The following NUP155 variants were observed in gnomAD, a reference collection of about 807,000 sequenced individuals.
NUP155 encodes the protein nuclear pore complex protein Nup155.
A neutral mutation model predicts 180.4 loss-of-function variants in NUP155; 71 were observed. That is an observed-to-expected ratio of 0.39 (90% CI 0.33 to 0.48). The LOEUF (loss-of-function observed/expected upper bound fraction) is 0.48. Among genes scored for constraint, NUP155 ranks in the 20% least tolerant of loss-of-function variants. The pLI, the probability that NUP155 is intolerant of heterozygous loss-of-function variation, is 0.91. For synonymous variants in NUP155, 582 were observed against 559.5 expected (o/e 1.04, Z -0.57); for missense variants, 1,553 against 1,648.9 (o/e 0.94, Z 1.01).
rs568949468 is a variant in NUP155, at chr5:37,314,895, G to C, written c.2306-567C>G. ...GAAACCTAGGGTCCTCAGTAGGGAA[G>C]AAAGTAACTTGGGACAAAAGTAAAT... On this transcript the variant is annotated intron_variant, in intron 21 of 34. Coordinates refer to ENST00000231498, the MANE Select transcript of NUP155 (RefSeq NM_153485.3). Among the ~76,000 whole-genome samples, 6 of 152,156 alleles carry C rather than the reference G, an allele frequency of 3.9e-5. No homozygotes were observed. The South Asian group carries it at 1.2e-3, about 32-fold the overall frequency.
Position 37,349,253 on chromosome 5 carries a change from T to C in NUP155, c.830-8A>G. 1.3e-6 allele frequency: 1 copy of C among 750,700 alleles called. No homozygotes were observed. Among genetic ancestry groups the C allele is most frequent in the Non-Finnish European group, 2.1e-6 (1 of 485,440 alleles). The allele number at this position is 750,700 out of a possible 1,614,324, so 46.5% of individuals were successfully genotyped here. A position where few individuals can be genotyped will look rare whatever the true frequency, so the allele number is the denominator to read the frequency against. On this transcript the variant is annotated splice_polypyrimidine_tract_variant and splice_region_variant and intron_variant, in intron 7 of 34. Coordinates refer to ENST00000231498, the MANE Select transcript of NUP155 (RefSeq NM_153485.3). ...CAATTTGAAGAATAGGATCTAAAAG[T>C]AAGACAAAAAAAAAAAAGAGAAAAA...
intron 6 of NUP155, 60 bp from the exon 7 acceptor site, chr5:37,350,325 C>G: frequency 9.7e-7 from 1 of 1,033,570 alleles, no homozygotes; most frequent in South Asian, 1.3e-5. Context: ...ACAATAACTA[C>G]TGTATATCCA....
intron 3 of NUP155, among the ~76,000 whole-genome samples, chr5:37,360,153 T>A (rs1188099937): frequency 6.7e-6 from 1 of 149,972 alleles, no homozygotes; most frequent in Non-Finnish European, 1.5e-5. Flanking sequence ...CAAAAAAAAA[T>A]AGGTAAAGAA....
chr5:37,304,803 T>C lies in NUP155; in HGVS notation c.3098A>G (p.Glu1033Gly), dbSNP rs773086317. The C allele has an allele frequency of 8.1e-6, 13 of 1,614,000 alleles. No individual in the cohort carries two copies. Among genetic ancestry groups the C allele is most frequent in the South Asian group, 3.3e-5 (3 of 91,070 alleles). Residue 1033 changes from glutamate (E) to glycine (G), a missense_variant, in exon 27 of 35, where the codon GAG becomes GGG. Transcript: ENST00000231498. ...ATTATAAAGGGCAATACTAAAGAGCTCATCCTTGGATCGCTGTGACAATTT... is the reference window on the plus strand; with the variant it reads ...ATTATAAAGGGCAATACTAAAGAGCCCATCCTTGGATCGCTGTGACAATTT... ...MLKLSQRSKD[E>G]LFSIALYNWL...
chr5:37,366,226 T>G (rs1392472051), intron 1 of NUP155, among the ~76,000 whole-genome samples: 2 of 152,198 alleles, frequency 1.3e-5, no homozygotes, highest in African/African-American at 4.8e-5. Flanking sequence ...ACTGATGACC[T>G]ACTTATCTCA....
At chr5:37,365,073 C>T (rs1182593995) in intron 1 of NUP155, among the ~76,000 whole-genome samples, 2 of 151,448 alleles carry the variant, frequency 1.3e-5, no homozygotes, top group African/African-American at 4.8e-5. Context: ...ACTAGCCTGG[C>T]CAACATGGTG....
intron 3 of NUP155, among the ~76,000 whole-genome samples, chr5:37,360,280 G>A (rs774636447): frequency 2.6e-5 from 4 of 151,468 alleles, no homozygotes; most frequent in South Asian, 4.2e-4. Context: ...TCAGGAGATC[G>A]AGACCGTCCT....
chr5:37,370,737 G>A lies in NUP155; in HGVS notation c.157+84C>T, dbSNP rs1217056879. On this transcript the variant is annotated intron_variant, in intron 1 of 34. Coordinates refer to ENST00000231498, the MANE Select transcript of NUP155 (RefSeq NM_153485.3). ...CCATAAATCTCAGCATATCCTCGCC[G>A]GGACCAACGCTGGGGATAAGTAGCA... 13 of 1,612,386 alleles carry A rather than the reference G, an allele frequency of 8.1e-6. No homozygotes were observed. In the African/African-American group the frequency reaches 1.2e-4, roughly 15 times the overall value.
intron 26 of NUP155, 90 bp downstream of exon 26, chr5:37,304,967 C>A (rs1235329804): frequency 1.3e-6 from 2 of 1,538,626 alleles, no homozygotes; most frequent in Non-Finnish European, 1.8e-6. Flanking sequence ...CTAAGAACTA[C>A]CACCTTTCCC....
intron 34 of NUP155, among the ~76,000 whole-genome samples, chr5:37,292,351 G>A (rs1477989319): frequency 6.6e-6 from 1 of 152,052 alleles, no homozygotes; most frequent in Non-Finnish European, 1.5e-5. Flanking sequence ...GTGTAGCTGG[G>A]ACTACAGGTG....
chr5:37,299,154 G>A lies in NUP155; in HGVS notation c.3683-176C>T, dbSNP rs150844290. Among the ~76,000 whole-genome samples, 135 of 152,258 alleles carry A rather than the reference G, an allele frequency of 8.9e-4. 2 individuals are homozygous for A. In the East Asian group the frequency reaches 0.025, roughly 28 times the overall value. ...CTGAGATACTCTCATGTCTTACCAGGTTATACTGGTTATTAGATTCTGAGG... is the reference window on the plus strand; with the variant it reads ...CTGAGATACTCTCATGTCTTACCAGATTATACTGGTTATTAGATTCTGAGG... On this transcript the variant is annotated intron_variant, in intron 31 of 34. Transcript: ENST00000231498.
chr5:37,363,204 G>A (rs10045656), intron 3 of NUP155, among the ~76,000 whole-genome samples: 5,467 of 152,164 alleles, frequency 0.036, 340 homozygotes, highest in African/African-American at 0.12. Context: ...TTGAGTCAGC[G>A]TGCTCGGCCG....
intron 32 of NUP155, 22 bp downstream of exon 32, chr5:37,298,846 T>A (rs1485770944): frequency 3.2e-6 from 4 of 1,233,882 alleles, no homozygotes; most frequent in Non-Finnish European, 4.8e-6. Flanking sequence ...AATACGTGAC[T>A]GCACCTAAGA....
At chr5:37,312,359 A>C (rs1318291010) in intron 22 of NUP155, among the ~76,000 whole-genome samples, 1 of 145,780 alleles carries the variant, frequency 6.9e-6, no homozygotes, top group Non-Finnish European at 1.5e-5. Flanking sequence ...GAAGCTCGCT[A>C]CAAAGAGGAT....
chr5:37,322,324 T>TATTATACTG (rs1744297256), intron 20 of NUP155, among the ~76,000 whole-genome samples: 2 of 152,190 alleles, frequency 1.3e-5, no homozygotes, highest in African/African-American at 4.8e-5. Context: ...TAATACCTCG[T>TATTATACTG]TAACAATTCT....
intron 22 of NUP155, among the ~76,000 whole-genome samples, 161 bp downstream of exon 22, chr5:37,314,034 TCCC>T (rs1561777240): frequency 1.3e-5 from 2 of 152,062 alleles, no homozygotes; most frequent in Admixed American, 1.3e-4. Context: ...AAAAAATAGG[TCCC>T]CCAAGTTGGT....
chr5:37,361,265 C>CAAA lies in NUP155; in HGVS notation c.392+2620_392+2622dup, dbSNP rs35489900. Among the ~76,000 whole-genome samples the CAAA allele has an allele frequency of 8.0e-4, 62 of 77,916 alleles. 1 individual carries two copies. Among genetic ancestry groups the CAAA allele is most frequent in the Middle Eastern group, 7.1e-3 (1 of 140 alleles). 51.1% of individuals were successfully genotyped at this position (77,916 alleles called of 152,430 possible). ...TGGGCGACAGAGCGAGACTCTGTCT[C>CAAA]AAAAAAAAAAAAAAAAAAAAGACAA... On this transcript the variant is annotated intron_variant, in intron 3 of 34. Coordinates refer to ENST00000231498, the MANE Select transcript of NUP155 (RefSeq NM_153485.3).
At position 37,312,358 on chromosome 5, in the gene NUP155, T is replaced by C. The variant is rs1253075073; in HGVS notation, c.2437-1615A>G. 2.7e-5 allele frequency among the ~76,000 whole-genome samples: 4 copies of C among 145,484 alleles called. No individual in the cohort carries two copies. The East Asian group carries it at 8.4e-4, about 30-fold the overall frequency. ...GCAGGAGATAGAGGAAGAAGCTCGC[T>C]ACAAAGAGGATTAAAAAAAAAAAAG... On this transcript the variant is annotated intron_variant, in intron 22 of 34. Coordinates refer to ENST00000231498, the MANE Select transcript of NUP155 (RefSeq NM_153485.3).
At chr5:37,316,134 C>T (rs895287232) in intron 21 of NUP155, among the ~76,000 whole-genome samples, 3 of 152,148 alleles carry the variant, frequency 2.0e-5, no homozygotes, top group South Asian at 2.1e-4. Context: ...GCATTATTCA[C>T]GATAGCCAAA....
Sources: gnomAD v4.1 joint callset for allele counts (sites outside exome capture counted in the v4.1 genomes callset) on GRCh38, gnomAD v4.1.1 for gene constraint, MANE v1.5 for transcripts, NCBI Gene and HGNC (gene_info 2026-07-23, HGNC 2026-07-21) for gene names.